NRXN1: variants seen among roughly 807,000 people sequenced by gnomAD.
NRXN1 encodes neurexin-1.
NRXN1 carries 39 observed loss-of-function variants against 150.9 expected under a neutral mutation model. That is an observed-to-expected ratio of 0.26 (90% CI 0.20 to 0.34). NRXN1 has a LOEUF of 0.34. Ranked by LOEUF, NRXN1 falls within the 10% of genes least tolerant of loss-of-function variation. NRXN1 has a pLI of 1.00. For missense variants in NRXN1, 1,815 were observed against 1,949.9 expected (o/e 0.93, Z 1.30); for synonymous variants, 924 against 757.0 (o/e 1.22, Z -3.62).
chr2:50,611,622 C>A (rs1251050867), intron 8 of NRXN1, among the ~76,000 whole-genome samples: 1 of 152,164 alleles, frequency 6.6e-6, no homozygotes, highest in East Asian at 1.9e-4. Context: ...TTATCCTTAG[C>A]AATGTATAGA....
intron 5 of NRXN1, among the ~76,000 whole-genome samples, chr2:50,828,908 G>A (rs1190252637): frequency 2.0e-5 from 3 of 152,352 alleles, no homozygotes; most frequent in Non-Finnish European, 4.4e-5. Context: ...AGCGAGCCAA[G>A]ATCACGCCAC....
rs964284714 is a variant in NRXN1, at chr2:50,792,925, C to G, written c.832+128944G>C. Among the ~76,000 whole-genome samples, 6 of 152,018 alleles carry G rather than the reference C, an allele frequency of 3.9e-5. No homozygotes were observed. In the East Asian group the frequency reaches 9.6e-4, roughly 24 times the overall value. ...AAGCAGAAGAATTGAGATTTGAGCA[C>G]TGATATTACTGGTTCTAATGTCAGT... On this transcript the variant is annotated intron_variant, in intron 5 of 22. Transcript: ENST00000401669.
intron 22 of NRXN1, among the ~76,000 whole-genome samples, chr2:49,931,742 G>T (rs1030211814): frequency 2.0e-5 from 3 of 152,096 alleles, no homozygotes; most frequent in African/African-American, 7.2e-5. Flanking sequence ...AAAAATGCAA[G>T]AAGAGTTATA....
In NRXN1 at chr2:50,964,915, C is replaced by G. The variant is rs189125125; in HGVS notation, c.773-38960G>C. Among the ~76,000 whole-genome samples the G allele has an allele frequency of 3.3e-3, 504 of 151,472 alleles. 3 individuals carry two copies. The highest frequency in any genetic ancestry group is 0.014 in the South Asian group (68 of 4,820). On this transcript the variant is annotated intron_variant, in intron 2 of 22. Coordinates refer to ENST00000401669, the MANE Select transcript of NRXN1 (RefSeq NM_001330078.2). ...GAAATATGAAAGTAGGCAACATACT[C>G]TGGAATTTTTGTTGAGCCTAAGTAA...
At chr2:50,883,576 T>C (rs986102744) in intron 5 of NRXN1, among the ~76,000 whole-genome samples, 1 of 151,852 alleles carries the variant, frequency 6.6e-6, no homozygotes, top group African/African-American at 2.4e-5. Context: ...GAATCAAGTG[T>C]AGAAATTGTT....
intron 18 of NRXN1, among the ~76,000 whole-genome samples, chr2:50,146,569 G>A (rs1331574714): frequency 6.6e-6 from 1 of 151,184 alleles, no homozygotes; most frequent in Non-Finnish European, 1.5e-5. Context: ...ACTACCCAAG[G>A]ATGCTGTGAA....
chr2:50,716,877 T>G (rs1695933588), intron 5 of NRXN1, among the ~76,000 whole-genome samples: 1 of 152,200 alleles, frequency 6.6e-6, no homozygotes, highest in East Asian at 1.9e-4. Context: ...ATGATGTCTC[T>G]TCTATTAGTT....
At position 50,082,933 on chromosome 2, in the gene NRXN1, A is replaced by T. The variant is rs1272743486; in HGVS notation, c.3718+8390T>A. Among the ~76,000 whole-genome samples, 3 of 152,216 alleles carry T rather than the reference A, an allele frequency of 2.0e-5. No homozygotes were observed. In the East Asian group the frequency reaches 5.8e-4, roughly 29 times the overall value. ...TCTGAAGAAATTAATTTCTCAGATT[A>T]TTTCAATTTTGTCAGCAATAAACAT... On this transcript the variant is annotated intron_variant, in intron 19 of 22. Coordinates refer to ENST00000401669, the MANE Select transcript of NRXN1 (RefSeq NM_001330078.2).
intron 17 of NRXN1, among the ~76,000 whole-genome samples, chr2:50,330,514 C>G (rs1363583657): frequency 2.0e-5 from 3 of 152,084 alleles, no homozygotes; most frequent in Non-Finnish European, 4.4e-5. Flanking sequence ...TGTCCTTCCT[C>G]CCAATACCTA....
chr2:50,285,575 G>A (rs527963998), intron 17 of NRXN1, among the ~76,000 whole-genome samples: 3 of 152,308 alleles, frequency 2.0e-5, no homozygotes, highest in African/African-American at 7.2e-5. Context: ...TCCTGACCAA[G>A]AATCATTTTT....
intron 5 of NRXN1, among the ~76,000 whole-genome samples, chr2:50,887,264 G>A (rs760285952): frequency 7.9e-5 from 12 of 151,420 alleles, no homozygotes; most frequent in Non-Finnish European, 1.6e-4. Context: ...CATTAGAGGA[G>A]TTCGGTCTAC....
chr2:50,556,321 G>A (rs1217637081), intron 8 of NRXN1, among the ~76,000 whole-genome samples: 1 of 151,948 alleles, frequency 6.6e-6, no homozygotes, highest in African/African-American at 2.4e-5. Flanking sequence ...AAACAATGTG[G>A]CACTCAATCA....
At chr2:50,541,421 C>T (rs537109314) in intron 9 of NRXN1, among the ~76,000 whole-genome samples, 8 of 152,196 alleles carry the variant, frequency 5.3e-5, no homozygotes, top group South Asian at 2.1e-4. Context: ...AGGGGCAAAA[C>T]GGCTGCCAGG....
At chr2:50,460,242 C>T (rs888768562) in intron 17 of NRXN1, among the ~76,000 whole-genome samples, 2 of 151,986 alleles carry the variant, frequency 1.3e-5, no homozygotes, top group African/African-American at 4.8e-5. Flanking sequence ...TCTACACAGA[C>T]AGAGTTTTAA....
At chr2:50,998,868 A>C (rs143049410) in intron 2 of NRXN1, among the ~76,000 whole-genome samples, 1 of 152,072 alleles carries the variant, frequency 6.6e-6, no homozygotes, top group Admixed American at 6.6e-5. Flanking sequence ...TTTAAAATTA[A>C]TATAGAAATG....
At chr2:50,433,947 A>C (rs1042092685) in intron 17 of NRXN1, among the ~76,000 whole-genome samples, 23 of 148,462 alleles carry the variant, frequency 1.5e-4, no homozygotes, top group East Asian at 4.0e-4. Context: ...CTGCTCTTTC[A>C]CTCCCCTGAC....
chr2:50,119,062 C>T (rs936879939), intron 18 of NRXN1, among the ~76,000 whole-genome samples: 1 of 151,662 alleles, frequency 6.6e-6, no homozygotes, highest in Non-Finnish European at 1.5e-5. Flanking sequence ...AGATTCCTCA[C>T]GTCTCTGTAA....
intron 2 of NRXN1, among the ~76,000 whole-genome samples, chr2:51,023,983 T>A (rs779584991): frequency 1.3e-5 from 2 of 152,198 alleles, no homozygotes; most frequent in Non-Finnish European, 2.9e-5. Context: ...CAATGTGGGA[T>A]TTTAATATAC....
intron 18 of NRXN1, among the ~76,000 whole-genome samples, chr2:50,218,111 A>G (rs917844457): frequency 3.3e-5 from 5 of 152,078 alleles, no homozygotes; most frequent in Admixed American, 3.3e-4. Flanking sequence ...TGCTACTATT[A>G]TAAATTTCAG....
Sources: gnomAD v4.1 joint callset for allele counts (sites outside exome capture counted in the v4.1 genomes callset) on GRCh38, gnomAD v4.1.1 for gene constraint, MANE v1.5 for transcripts, NCBI Gene and HGNC (gene_info 2026-07-23, HGNC 2026-07-21) for gene names.